RBFOX1: variants seen among roughly 807,000 people sequenced by gnomAD.
RBFOX1 encodes RNA binding protein fox-1 homolog 1.
In RBFOX1, 8 loss-of-function variants were observed where a neutral mutation model predicts 57.7. The ratio of observed to expected loss-of-function variants is 0.14; its 90% CI spans 0.08 to 0.25. The LOEUF (loss-of-function observed/expected upper bound fraction) is 0.25, where lower values mean the gene tolerates loss of function less well. Ranked by LOEUF, RBFOX1 falls within the 10% of genes least tolerant of loss-of-function variation. The pLI, the probability that RBFOX1 is intolerant of heterozygous loss-of-function variation, is 1.00. For synonymous variants in RBFOX1, 326 were observed against 222.4 expected (o/e 1.47, Z -4.15); for missense variants, 611 against 548.5 (o/e 1.11, Z -1.14).
chr16:6,381,538 A>C (rs914406440), intron 2 of RBFOX1, among the ~76,000 whole-genome samples: 3 of 152,224 alleles, frequency 2.0e-5, no homozygotes, highest in Non-Finnish European at 4.4e-5. Context: ...ACTTTTAAAC[A>C]GGAGGAATGA....
rs34698634 is a variant in RBFOX1, at chr16:5,760,007, TA to T, written c.319-107281del. 3.3e-3 allele frequency among the ~76,000 whole-genome samples: 474 copies of T among 142,074 alleles called. 1 individual carries two copies. The highest frequency in any genetic ancestry group is 3.9e-3 in the African/African-American group (151 of 38,424). The allele number at this position is 142,074 out of a possible 152,430, so 93.2% of individuals were successfully genotyped here. A position where few individuals can be genotyped will look rare whatever the true frequency, so the allele number is the denominator to read the frequency against. On this transcript the variant is annotated intron_variant, in intron 3 of 19. Transcript: ENST00000641259. ...ATGGCTATAAATATCCCCACTGGGT[TA>T]AAAAAAAAAAAAAACCTTGTATTTG...
chr16:7,426,713 T>C (rs898550276), intron 4 of RBFOX1, among the ~76,000 whole-genome samples: 1 of 152,088 alleles, frequency 6.6e-6, no homozygotes, highest in African/African-American at 2.4e-5. Context: ...CTGTGGAAGG[T>C]CCTGAGAATA....
rs915691305 is a variant in RBFOX1, at chr16:6,440,952, A to G, written c.-64+123895A>G. On this transcript the variant is annotated intron_variant, in intron 2 of 15. Transcript: ENST00000550418. The stretch of plus-strand genomic sequence containing the variant: ...ATGCTTGATATTCAGAGCTGGAGAG[A>G]GGGTCTAGGCTGCGTCTGTGGAGTG... Among the ~76,000 whole-genome samples, 8 of 152,248 alleles carry G rather than the reference A, an allele frequency of 5.3e-5. No homozygotes were observed. In the East Asian group the frequency reaches 1.2e-3, roughly 22 times the overall value.
intron 4 of RBFOX1, among the ~76,000 whole-genome samples, chr16:7,172,606 A>G (rs1422825689): frequency 2.0e-5 from 3 of 152,176 alleles, no homozygotes; most frequent in African/African-American, 4.8e-5. Context: ...GGAGAAAAAA[A>G]AAAGAAAACT....
chr16:7,029,069 TATATATATATATACACACAC>T lies in RBFOX1; in HGVS notation c.-15-22986_-15-22967del, dbSNP rs1304253027. ...AGCTATATATATATATATATATATA[TATATATATATATACACACAC>T]ACACACACACACACACACACACACA... is the stretch of plus-strand genomic sequence containing the variant. On this transcript the variant is annotated intron_variant, in intron 3 of 15. Coordinates refer to ENST00000550418, the MANE Select transcript of RBFOX1 (RefSeq NM_018723.4). Among the ~76,000 whole-genome samples, 119 of 55,578 alleles carry T rather than the reference TATATATATATATACACACAC, an allele frequency of 2.1e-3. 5 individuals carry two copies. The highest frequency in any genetic ancestry group is 0.016 in the African/African-American group (113 of 7,086). 36.5% of individuals were successfully genotyped at this position (55,578 alleles called of 152,430 possible). A position where few individuals can be genotyped will look rare whatever the true frequency, so the allele number is the denominator to read the frequency against.
At chr16:6,826,315 C>G (rs1192404632) in intron 3 of RBFOX1, among the ~76,000 whole-genome samples, 2 of 152,086 alleles carry the variant, frequency 1.3e-5, no homozygotes, top group African/African-American at 2.4e-5. Flanking sequence ...GAGTTCAAGA[C>G]CAGCCTAGGC....
At chr16:5,351,213 A>G (rs1402197466) in intron 1 of RBFOX1, among the ~76,000 whole-genome samples, 1 of 152,232 alleles carries the variant, frequency 6.6e-6, no homozygotes, top group African/African-American at 2.4e-5. Flanking sequence ...ACTATGTGCC[A>G]GACACTGCCT....
chr16:7,494,763 G>A (rs567656184), intron 4 of RBFOX1, among the ~76,000 whole-genome samples: 30 of 150,246 alleles, frequency 2.0e-4, no homozygotes, highest in Non-Finnish European at 3.4e-4. Flanking sequence ...CTTTCATTCC[G>A]AAACTCAGCA....
intron 4 of RBFOX1, among the ~76,000 whole-genome samples, chr16:7,492,934 A>G (rs1183435026): frequency 6.6e-6 from 1 of 152,106 alleles, no homozygotes; most frequent in Non-Finnish European, 1.5e-5. Flanking sequence ...GCTGGAGTGC[A>G]GTGGTGCGAT....
intron 4 of RBFOX1, among the ~76,000 whole-genome samples, chr16:7,407,090 G>C (rs73550797): frequency 0.02 from 2,970 of 152,120 alleles, 103 homozygotes; most frequent in African/African-American, 0.068. Context: ...ATAGGTTTTT[G>C]GGGGAACGGG....
At chr16:6,505,433 T>A (rs942200615) in intron 2 of RBFOX1, among the ~76,000 whole-genome samples, 7 of 152,156 alleles carry the variant, frequency 4.6e-5, no homozygotes, top group African/African-American at 1.7e-4. Context: ...TCCCATTACA[T>A]CCAGGAGGAA....
intron 3 of RBFOX1, among the ~76,000 whole-genome samples, chr16:7,047,643 A>G (rs1176027861): frequency 7.9e-6 from 1 of 127,134 alleles, no homozygotes; most frequent in East Asian, 2.2e-4. Flanking sequence ...TGAACTCTTT[A>G]TCCTTATATT....
intron 3 of RBFOX1, among the ~76,000 whole-genome samples, chr16:7,029,059 T>TATATATAC (rs1555788021): frequency 5.3e-4 from 16 of 30,242 alleles, no homozygotes; most frequent in Non-Finnish European, 8.0e-4. Flanking sequence ...TATATATATA[T>TATATATAC]ATATATATAT....
intron 3 of RBFOX1, among the ~76,000 whole-genome samples, chr16:5,697,344 A>G (rs1036456154): frequency 4.6e-5 from 7 of 151,434 alleles, no homozygotes; most frequent in Admixed American, 2.6e-4. Flanking sequence ...TAATTTATAG[A>G]TACATAAAAC....
intron 1 of RBFOX1, among the ~76,000 whole-genome samples, chr16:5,445,932 T>C (rs1454999293): frequency 1.3e-5 from 2 of 152,238 alleles, no homozygotes; most frequent in African/African-American, 4.8e-5. Flanking sequence ...TGAGTGGGAA[T>C]GTGAGGAGTA....
rs1187799830 is a variant in RBFOX1, at chr16:6,716,059, A to T, written c.-16+61409A>T. On this transcript the variant is annotated intron_variant, in intron 3 of 15. Transcript: ENST00000550418. ...ACGGTTTTGTGAGCTCACACTGCTC[A>T]GTTGTACATGATGGCCCTGGTGACA... Among the ~76,000 whole-genome samples, 3 of 152,294 alleles carry T rather than the reference A, an allele frequency of 2.0e-5. No homozygotes were observed. The East Asian group carries it at 5.8e-4, about 29-fold the overall frequency.
intron 3 of RBFOX1, among the ~76,000 whole-genome samples, chr16:6,938,056 G>C (rs557551602): frequency 8.4e-4 from 127 of 151,968 alleles, no homozygotes; most frequent in African/African-American, 2.8e-3. Context: ...TTGTGATATG[G>C]ATATCCCTCA....
intron 2 of RBFOX1, among the ~76,000 whole-genome samples, chr16:6,583,109 G>C (rs891992466): frequency 1.3e-5 from 2 of 152,066 alleles, no homozygotes; most frequent in African/African-American, 4.8e-5. Flanking sequence ...AGGATGGATA[G>C]TATCAGAGCC....
intron 1 of RBFOX1, among the ~76,000 whole-genome samples, chr16:6,313,282 G>C (rs1567913349): frequency 6.6e-6 from 1 of 152,134 alleles, no homozygotes; most frequent in East Asian, 1.9e-4. Context: ...GGAATGAAAT[G>C]GGAAGCCAGC....
Sources: allele counts gnomAD v4.1 joint callset (sites outside exome capture counted in the v4.1 genomes callset), GRCh38; gene constraint gnomAD v4.1.1; transcripts MANE v1.5; gene names NCBI Gene and HGNC (gene_info 2026-07-23, HGNC 2026-07-21).